ARHGAP18: variants seen among roughly 807,000 people sequenced by gnomAD.
The protein encoded by ARHGAP18 is rho GTPase-activating protein 18.
A neutral mutation model predicts 86.2 loss-of-function variants in ARHGAP18; 67 were observed. The ratio of observed to expected loss-of-function variants is 0.78; its 90% CI spans 0.64 to 0.95. The LOEUF (loss-of-function observed/expected upper bound fraction) is 0.95, where lower values mean the gene tolerates loss of function less well. ARHGAP18 is among the 40% of genes least tolerant of loss of function. The pLI is 0.00. For synonymous variants in ARHGAP18, 283 were observed against 280.4 expected (o/e 1.01, Z -0.09); for missense variants, 691 against 780.4 (o/e 0.89, Z 1.37).
intron 5 of ARHGAP18, among the ~76,000 whole-genome samples, chr6:129,625,043 AATATATATGAT>A (rs1453807265): frequency 5.0e-5 from 4 of 80,286 alleles, no homozygotes; most frequent in South Asian, 3.1e-4. Flanking sequence ...ATATTTATAT[AATATATATGAT>A]TGATATATAT....
chr6:129,640,792 G>C (rs1773441407), intron 2 of ARHGAP18, among the ~76,000 whole-genome samples: 1 of 152,102 alleles, frequency 6.6e-6, no homozygotes, highest in East Asian at 1.9e-4. Context: ...CTCACATTTT[G>C]GCATTTATAC....
Position 129,577,309 on chromosome 6 carries a change from A to G in ARHGAP18, c.*1204T>C, listed in dbSNP as rs1788197392. 2.0e-5 allele frequency: 3 copies of G among 152,178 alleles called. No homozygotes were observed. Among genetic ancestry groups the G allele is most frequent in the Admixed American group, 1.3e-4 (2 of 15,270 alleles). The allele number at this position is 152,178 out of a possible 1,614,324, so 9.4% of individuals were successfully genotyped here. On this transcript the variant is annotated 3_prime_UTR_variant, in exon 15 of 15. Transcript: ENST00000368149. Reference sequence around the variant, plus strand: ...GTGTAGTTTTTCCTAAAGTACTACTAAAAGTATCATGAACACCGTTTGTGC... The same window carrying G: ...GTGTAGTTTTTCCTAAAGTACTACTGAAAGTATCATGAACACCGTTTGTGC...
intron 7 of ARHGAP18, among the ~76,000 whole-genome samples, chr6:129,612,765 T>C (rs1011962942): frequency 3.9e-5 from 6 of 152,234 alleles, no homozygotes; most frequent in Admixed American, 2.6e-4. Flanking sequence ...ATGTCAACTT[T>C]TCTTTAAACA....
At chr6:129,662,526 T>C (rs1307502588) in intron 1 of ARHGAP18, among the ~76,000 whole-genome samples, 2 of 152,268 alleles carry the variant, frequency 1.3e-5, no homozygotes, top group Admixed American at 6.5e-5. Context: ...GTTCTTCTCC[T>C]GTAATACATG....
At chr6:129,623,218 A>G (rs530962323) in intron 5 of ARHGAP18, among the ~76,000 whole-genome samples, 3 of 152,200 alleles carry the variant, frequency 2.0e-5, no homozygotes, top group Non-Finnish European at 2.9e-5. Context: ...TCTAGCTTTG[A>G]CTTGGAAAGC....
intron 12 of ARHGAP18, among the ~76,000 whole-genome samples, chr6:129,597,749 A>G (rs952955600): frequency 6.6e-6 from 1 of 152,114 alleles, no homozygotes; most frequent in Non-Finnish European, 1.5e-5. Flanking sequence ...AAACTCAAAG[A>G]GGTAAAGTTA....
intron 1 of ARHGAP18, among the ~76,000 whole-genome samples, chr6:129,646,352 T>C (rs1773579417): frequency 6.6e-6 from 1 of 152,094 alleles, no homozygotes; most frequent in Admixed American, 6.5e-5. Context: ...ATGAAAAAGG[T>C]CCCCTAGGTA....
rs1774884643 is a variant in ARHGAP18 at position 129,710,120 on chromosome 6, C to G, written c.17G>C (p.Ser6Thr). Residue 6 changes from serine (S) to threonine (T), a missense_variant, in exon 1 of 15, where the codon AGT becomes ACT. Coordinates refer to ENST00000368149, the MANE Select transcript of ARHGAP18 (RefSeq NM_033515.3). ...GGCTGTTAGTACCACTCCCTGGGAACTGGAGAGCCAGCTCATGGTGAGAGA... is the reference window on the plus strand; with the variant it reads ...GGCTGTTAGTACCACTCCCTGGGAAGTGGAGAGCCAGCTCATGGTGAGAGA... MSWLSSSQGVVLTAYH... is the reference protein window; with the variant it reads MSWLSTSQGVVLTAYH... 4 of 1,613,630 alleles carry G rather than the reference C, an allele frequency of 2.5e-6. No individual in the cohort carries two copies. The highest frequency in any genetic ancestry group is 2.5e-6 in the Non-Finnish European group (3 of 1,179,678).
chr6:129,583,746 A>G (rs951279165), intron 13 of ARHGAP18, among the ~76,000 whole-genome samples: 1 of 152,144 alleles, frequency 6.6e-6, no homozygotes, highest in Non-Finnish European at 1.5e-5. Context: ...ACACTCAGAA[A>G]TCCTGCTTGA....
In ARHGAP18 at chr6:129,599,204, C is replaced by T. The variant is rs1414310049; in HGVS notation, c.1713+12G>A. On this transcript the variant is annotated intron_variant, in intron 12 of 14. Transcript: ENST00000368149. ...AGATCTGAATAAATACATATCTCCA[C>T]TATTTTCTTACATCATTTGTACTCT... 7 of 1,523,518 alleles carry T rather than the reference C, an allele frequency of 4.6e-6. No homozygotes were observed. The highest frequency in any genetic ancestry group is 6.1e-6 in the Non-Finnish European group (7 of 1,142,770). The allele number at this position is 1,523,518 out of a possible 1,614,324, so 94.4% of individuals were successfully genotyped here. A position where few individuals can be genotyped will look rare whatever the true frequency, so the allele number is the denominator to read the frequency against.
intron 7 of ARHGAP18, 99 bp from the exon 8 acceptor site, chr6:129,611,709 G>A: frequency 1.0e-6 from 1 of 978,874 alleles, no homozygotes; most frequent in East Asian, 2.7e-5. Flanking sequence ...TGATTACAAT[G>A]ACATGTAAAC....
intron 5 of ARHGAP18, among the ~76,000 whole-genome samples, chr6:129,624,600 A>T (rs1789301183): frequency 6.6e-6 from 1 of 151,774 alleles, no homozygotes; most frequent in Admixed American, 6.6e-5. Context: ...TTTAGGCCAC[A>T]CTTGCATACT....
Position 129,664,190 on chromosome 6 carries a change from T to A in ARHGAP18, c.114-22172A>T, listed in dbSNP as rs140398831. On this transcript the variant is annotated intron_variant, in intron 1 of 14. Coordinates refer to ENST00000368149, the MANE Select transcript of ARHGAP18 (RefSeq NM_033515.3). ...TTATCTCGAACCCATCACCAATGAT[T>A]GGCATCTGAATTCTGCACCAAATAG... is the stretch of plus-strand genomic sequence containing the variant. Among the ~76,000 whole-genome samples, 16 of 152,354 alleles carry A rather than the reference T, an allele frequency of 1.1e-4. No individual in the cohort carries two copies. In the East Asian group the frequency reaches 2.9e-3, roughly 28 times the overall value.
At chr6:129,676,525 A>T (rs989710556) in intron 1 of ARHGAP18, among the ~76,000 whole-genome samples, 7 of 152,174 alleles carry the variant, frequency 4.6e-5, no homozygotes, top group African/African-American at 1.7e-4. Context: ...CATGGAAAAC[A>T]TTCCTTTCCC....
At position 129,605,620 on chromosome 6, in the gene ARHGAP18, G is replaced by A. The variant is rs534904641; in HGVS notation, c.1365+257C>T. 1.3e-4 allele frequency among the ~76,000 whole-genome samples: 20 copies of A among 151,560 alleles called. No homozygotes were observed. In the East Asian group the frequency reaches 2.9e-3, roughly 22 times the overall value. Reference sequence around the variant, plus strand: ...AAAACCACCCACGTTTCCATTAACCGACGAACCTCAATCGTCTGGTTTGGA... The same window carrying A: ...AAAACCACCCACGTTTCCATTAACCAACGAACCTCAATCGTCTGGTTTGGA... On this transcript the variant is annotated intron_variant, in intron 10 of 14. Transcript: ENST00000368149.
At chr6:129,599,408 T>A (rs1788689850) in intron 11 of ARHGAP18, 52 bp from the exon 12 acceptor site, 3 of 1,365,756 alleles carry the variant, frequency 2.2e-6, no homozygotes, top group Non-Finnish European at 2.9e-6. Flanking sequence ...GCCACCATTT[T>A]AAACTACAAA....
In ARHGAP18 at chr6:129,641,954, G is replaced by C. The variant is rs753911423; in HGVS notation, c.178C>G (p.Pro60Ala). The change falls in exon 2 of 15, where the codon CCA (proline) becomes GCA (alanine). Residue 60 changes from proline (P) to alanine (A), a missense_variant. Physicochemically the swap from Pro to Ala is conservative, Grantham distance 27. Transcript: ENST00000368149. The part of the protein sequence containing the change: ...STTIKVMEKP[P>A]FDRSISQDSL... ...TCCTGGGAAATTGATCGATCAAATGGAGGCTTCTCCATAACTTTGATGGTG... is the reference window on the plus strand; with the variant it reads ...TCCTGGGAAATTGATCGATCAAATGCAGGCTTCTCCATAACTTTGATGGTG... The C allele has an allele frequency of 1.2e-6, 2 of 1,613,800 alleles. No homozygotes were observed. The highest frequency in any genetic ancestry group is 2.2e-5 in the East Asian group (1 of 44,858).
At chr6:129,640,374 GGCTTAAAC>G (rs1682316472) in intron 2 of ARHGAP18, among the ~76,000 whole-genome samples, 1 of 152,134 alleles carries the variant, frequency 6.6e-6, no homozygotes, top group South Asian at 2.1e-4. Flanking sequence ...CTATGTATCA[GGCTTAAAC>G]GCTGCTTTCT....
chr6:129,584,163 T>C (rs747498035), intron 12 of ARHGAP18, 51 bp from the exon 13 acceptor site: 1 of 1,609,792 alleles, frequency 6.2e-7, no homozygotes. Context: ...CTGGAACGTG[T>C]AACTCTACAA....
Sources: allele counts gnomAD v4.1 joint callset (sites outside exome capture counted in the v4.1 genomes callset), GRCh38; gene constraint gnomAD v4.1.1; transcripts MANE v1.5; gene names NCBI Gene and HGNC (gene_info 2026-07-23, HGNC 2026-07-21).